Variants in DDX52 observed in about 807,000 individuals in gnomAD.
DDX52 encodes probable ATP-dependent RNA helicase DDX52.
Under a neutral mutation model 76.1 loss-of-function variants are expected in DDX52, and 59 were observed. The ratio of observed to expected loss-of-function variants is 0.78; its 90% CI spans 0.63 to 0.96. The LOEUF (loss-of-function observed/expected upper bound fraction) is 0.96. DDX52 is among the 40% of genes least tolerant of loss of function. DDX52 has a pLI of 0.00. For synonymous variants in DDX52, 231 were observed against 244.1 expected (o/e 0.95, Z 0.50); for missense variants, 707 against 703.9 (o/e 1.00, Z -0.05).
chr17:37,612,271 T>C lies in DDX52; in HGVS notation c.*2025A>G, dbSNP rs887307861. 3 of 152,092 alleles carry C rather than the reference T, an allele frequency of 2.0e-5. No individual in the cohort carries two copies. The highest frequency in any genetic ancestry group is 4.4e-5 in the Non-Finnish European group (3 of 68,038). The allele number at this position is 152,092 out of a possible 1,614,324, so 9.4% of individuals were successfully genotyped here. ...TATTTTTTTTAGTAGAGATGGGGTTTTGCCATGTTGCCCGGGCTGGTCTCT... is the reference window on the plus strand; with the variant it reads ...TATTTTTTTTAGTAGAGATGGGGTTCTGCCATGTTGCCCGGGCTGGTCTCT... On this transcript the variant is annotated 3_prime_UTR_variant, in exon 15 of 15. Transcript: ENST00000617633.
In DDX52 at chr17:37,621,471, T is replaced by C; in HGVS notation, c.1277A>G (p.Lys426Arg). The C allele has an allele frequency of 6.2e-7, 1 of 1,613,824 alleles. No individual in the cohort carries two copies. Among genetic ancestry groups the C allele is most frequent in the Non-Finnish European group, 8.5e-7 (1 of 1,179,908 alleles). Reference protein sequence around the residue: ...LVFVQSIERAKELFHELIYEG... With the variant: ...LVFVQSIERARELFHELIYEG... ...ATATATGAGCTCATGAAAAAGTTCT[T>C]TAGCCCTTTCAATGGACTGAACAAA... The change falls in exon 10 of 15, where the codon AAA becomes AGA. Residue 426 changes from lysine to arginine, a missense_variant. Transcript: ENST00000617633.
In DDX52 at chr17:37,625,944, A is replaced by G; in HGVS notation, c.1087T>C (p.Trp363Arg). 6.2e-7 allele frequency: 1 copy of G among 1,614,158 alleles called. No individual in the cohort carries two copies. Among genetic ancestry groups the G allele is most frequent in the Non-Finnish European group, 8.5e-7 (1 of 1,180,014 alleles). The change falls in exon 8 of 15, where the codon TGG becomes CGG. Residue 363 changes from tryptophan to arginine, a missense_variant. By Grantham distance (101) the Trp-to-Arg change is moderately radical. Transcript: ENST00000617633. ...ACATTGTCCAGGTTGAGTTTGCACC[A>G]CTGTTCAACATCATATGCAAAAGTT... ...SATFAYDVEQ[W>R]CKLNLDNVIS...
At position 37,643,171 on chromosome 17, in the gene DDX52, A is replaced by C. The variant is rs539382753; in HGVS notation, c.87+163T>G. ...CTTATTCAAAAGGCTTGAACCGAGC[A>C]GCCGTGCAGGCAAGCCGAACACAAA... On this transcript the variant is annotated intron_variant, in intron 1 of 14. Coordinates refer to ENST00000617633, the MANE Select transcript of DDX52 (RefSeq NM_007010.5). The C allele has an allele frequency of 3.9e-4, 250 of 639,020 alleles. 1 individual carries two copies. The highest frequency in any genetic ancestry group is 6.1e-4 in the Non-Finnish European group (227 of 374,842). 39.6% of individuals were successfully genotyped at this position (639,020 alleles called of 1,614,324 possible). A position where few individuals can be genotyped will look rare whatever the true frequency, so the allele number is the denominator to read the frequency against.
rs546014925 is a variant in DDX52, at chr17:37,626,225, T to C, written c.933-127A>G. 1.9e-3 allele frequency: 1,742 copies of C among 934,472 alleles called. 6 individuals carry two copies. Among genetic ancestry groups the C allele is most frequent in the Admixed American group, 3.8e-3 (109 of 28,904 alleles). The allele number at this position is 934,472 out of a possible 1,614,324, so 57.9% of individuals were successfully genotyped here. On this transcript the variant is annotated intron_variant, in intron 7 of 14. Coordinates refer to ENST00000617633, the MANE Select transcript of DDX52 (RefSeq NM_007010.5). ...GCTGCTTCTCAGATCCACTTTATCA[T>C]ACCAAAAAAAAAAAATAAGAAACAC...
At chr17:37,630,596 G>A (rs910482189) in intron 4 of DDX52, among the ~76,000 whole-genome samples, 20 of 151,678 alleles carry the variant, frequency 1.3e-4, no homozygotes, top group Non-Finnish European at 2.1e-4. Flanking sequence ...AATGACCTGA[G>A]GGCAGAGTAA....
chr17:37,625,759 A>T, intron 8 of DDX52, 136 bp downstream of exon 8: 1 of 954,518 alleles, frequency 1.0e-6, no homozygotes, highest in Non-Finnish European at 1.5e-6. Flanking sequence ...ATCTTGGCTT[A>T]AAAGAACACA....
At chr17:37,641,219 G>A (rs991211212) in intron 2 of DDX52, among the ~76,000 whole-genome samples, 2 of 152,026 alleles carry the variant, frequency 1.3e-5, no homozygotes, top group African/African-American at 4.8e-5. Flanking sequence ...TGGCTAACAC[G>A]ATGAAACCTG....
rs758810819 is a variant in DDX52 at position 37,625,903 on chromosome 17, A to T, written c.1128T>A (p.Ile376=). 6.8e-6 allele frequency: 11 copies of T among 1,614,042 alleles called. No homozygotes were observed. The East Asian group carries it at 2.5e-4, about 36-fold the overall frequency. The change falls in exon 8 of 15, where the codon ATT becomes ATA. Residue 376 remains isoleucine (I), a synonymous_variant. Transcript: ENST00000617633. Reference sequence around the variant, plus strand: ...GAGAAACAATTAAATACCTTGCTCCAATGGACACACTGATGACATTGTCCA... The same window carrying T: ...GAGAAACAATTAAATACCTTGCTCCTATGGACACACTGATGACATTGTCCA... The part of the protein sequence containing the change: ...LNLDNVISVS[I]GARNSAVETV...
At position 37,628,576 on chromosome 17, in the gene DDX52, A is replaced by T; in HGVS notation, c.844T>A (p.Ser282Thr). The T allele has an allele frequency of 1.2e-6, 2 of 1,612,512 alleles. No homozygotes were observed. The highest frequency in any genetic ancestry group is 1.7e-6 in the Non-Finnish European group (2 of 1,179,460). Reference protein sequence around the residue: ...AVAAKKFGPKSSKKFDILVTT... With the variant: ...AVAAKKFGPKTSKKFDILVTT... Reference sequence around the variant, plus strand: ...AATTCCTTACCAAACTTTTTAGATGATTTAGGTCCAAATTTCTTGGCTGCC... The same window carrying T: ...AATTCCTTACCAAACTTTTTAGATGTTTTAGGTCCAAATTTCTTGGCTGCC... The change falls in exon 6 of 15, where the codon TCA (serine) becomes ACA (threonine). Residue 282 changes from serine to threonine, a missense_variant. Physicochemically the swap from Ser to Thr is moderately conservative, Grantham distance 58 (BLOSUM62 1). Transcript: ENST00000617633.
At chr17:37,641,510 G>A (rs1425641220) in intron 2 of DDX52, among the ~76,000 whole-genome samples, 1 of 152,116 alleles carries the variant, frequency 6.6e-6, no homozygotes, top group African/African-American at 2.4e-5. Context: ...GGGCCAAAGC[G>A]GGCGGATCAC....
intron 2 of DDX52, among the ~76,000 whole-genome samples, chr17:37,636,397 G>A (rs1217687352): frequency 6.6e-6 from 1 of 152,154 alleles, no homozygotes; most frequent in Non-Finnish European, 1.5e-5. Flanking sequence ...ATATGCATGG[G>A]TTTGTGGACT....
chr17:37,640,641 A>C (rs185635937), intron 2 of DDX52, among the ~76,000 whole-genome samples: 11 of 151,480 alleles, frequency 7.3e-5, no homozygotes, highest in Non-Finnish European at 1.5e-4. Context: ...AGGAAACTTA[A>C]TATTATAGAT....
At chr17:37,620,637 G>T in intron 12 of DDX52, 1 of 400,266 alleles carries the variant, frequency 2.5e-6, no homozygotes, top group Non-Finnish European at 4.4e-6. Context: ...TCCTGAGTCT[G>T]AAACTTACAA....
intron 9 of DDX52, among the ~76,000 whole-genome samples, chr17:37,623,149 T>G (rs1055974337): frequency 6.6e-5 from 10 of 152,230 alleles, no homozygotes; most frequent in African/African-American, 2.4e-4. Flanking sequence ...TGCCCTTATT[T>G]CTTCCTCATC....
At chr17:37,614,709 T>A (rs1453728390) in intron 14 of DDX52, among the ~76,000 whole-genome samples, 2 of 152,226 alleles carry the variant, frequency 1.3e-5, no homozygotes, top group Non-Finnish European at 2.9e-5. Context: ...AGGAGTATTG[T>A]ATTATTATCC....
At chr17:37,621,894 G>C (rs2030115912) in intron 9 of DDX52, among the ~76,000 whole-genome samples, 2 of 151,972 alleles carry the variant, frequency 1.3e-5, no homozygotes, top group African/African-American at 4.8e-5. Flanking sequence ...GGGTTTTTTG[G>C]GGTGAAATTA....
chr17:37,633,940 CTTTTTTTTTT>C (rs557054736), intron 2 of DDX52, among the ~76,000 whole-genome samples: 1 of 130,014 alleles, frequency 7.7e-6, no homozygotes, highest in Non-Finnish European at 1.6e-5. Context: ...AATTTCTTTC[CTTTTTTTTTT>C]TTTTTTTTTG....
At chr17:37,621,706 A>G (rs890035227) in intron 9 of DDX52, among the ~76,000 whole-genome samples, 186 bp from the exon 10 acceptor site, 1 of 152,046 alleles carries the variant, frequency 6.6e-6, no homozygotes. Context: ...GGTTATTTCC[A>G]CTCAACTTGA....
At chr17:37,619,234 C>CT (rs1351637544) in intron 13 of DDX52, among the ~76,000 whole-genome samples, 3 of 152,056 alleles carry the variant, frequency 2.0e-5, no homozygotes, top group Admixed American at 1.3e-4. Context: ...CAAAGATTAG[C>CT]TGGGCATGGT....
Sources: allele counts gnomAD v4.1 joint callset (sites outside exome capture counted in the v4.1 genomes callset), GRCh38; gene constraint gnomAD v4.1.1; transcripts MANE v1.5; gene names NCBI Gene and HGNC (gene_info 2026-07-23, HGNC 2026-07-21).